Variants in CSMD1 observed in about 807,000 individuals in gnomAD.
CSMD1 encodes the protein CUB and Sushi multiple domains 1.
In CSMD1, 213 loss-of-function variants were observed where a neutral mutation model predicts 417.5. The observed-to-expected ratio is 0.51, with a 90% confidence interval of 0.46 to 0.57. The LOEUF (loss-of-function observed/expected upper bound fraction) is 0.57, where lower values mean the gene tolerates loss of function less well. CSMD1 is among the 20% of genes least tolerant of loss of function. The pLI is 0.00. For missense variants in CSMD1, 6,923 were observed against 4,529.7 expected (o/e 1.53, Z -15.17); for synonymous variants, 2,862 against 1,736.8 (o/e 1.65, Z -16.11).
chr8:4,406,973 G>A (rs148937460), intron 3 of CSMD1, among the ~76,000 whole-genome samples: 534 of 152,288 alleles, frequency 3.5e-3, no homozygotes, highest in Non-Finnish European at 5.8e-3. Context: ...CCTAAACGAG[G>A]AAAATGTTCT....
chr8:4,033,622 T>G (rs934861684), intron 3 of CSMD1, among the ~76,000 whole-genome samples: 34 of 152,202 alleles, frequency 2.2e-4, no homozygotes, highest in African/African-American at 8.0e-4. Context: ...CTTGGGCACT[T>G]GTTCTCAGGA....
chr8:3,862,350 G>C (rs200291976), intron 5 of CSMD1, among the ~76,000 whole-genome samples: 1 of 152,246 alleles, frequency 6.6e-6, no homozygotes, highest in South Asian at 2.1e-4. Flanking sequence ...ACCTCACTTT[G>C]CTTCCTCAGA....
At chr8:3,387,019 A>C (rs1040727048) in intron 18 of CSMD1, among the ~76,000 whole-genome samples, 2 of 152,206 alleles carry the variant, frequency 1.3e-5, no homozygotes, top group Non-Finnish European at 2.9e-5. Context: ...AAAGCTGCTG[A>C]AGATCTCCTG....
chr8:4,047,653 T>C (rs1240645641), intron 3 of CSMD1, among the ~76,000 whole-genome samples: 2 of 152,096 alleles, frequency 1.3e-5, no homozygotes, highest in South Asian at 2.1e-4. Flanking sequence ...AGTGAGTATA[T>C]TTGGGGCATG....
intron 4 of CSMD1, among the ~76,000 whole-genome samples, chr8:3,998,994 GTTTA>G (rs1815447094): frequency 6.8e-6 from 1 of 147,080 alleles, no homozygotes; most frequent in Admixed American, 6.8e-5. Context: ...CTATATGATA[GTTTA>G]TATATAAATA....
chr8:4,403,399 T>G (rs1174908176), intron 3 of CSMD1, among the ~76,000 whole-genome samples: 1 of 152,170 alleles, frequency 6.6e-6, no homozygotes, highest in African/African-American at 2.4e-5. Context: ...TCTAATTCTC[T>G]TTTGAACCAC....
At chr8:3,040,951 T>C (rs189043712) in intron 50 of CSMD1, among the ~76,000 whole-genome samples, 2 of 152,366 alleles carry the variant, frequency 1.3e-5, no homozygotes, top group East Asian at 3.9e-4. Context: ...ACGTGTTGAA[T>C]GTTTCTACAG....
At chr8:3,818,338 G>A (rs981118340) in intron 5 of CSMD1, among the ~76,000 whole-genome samples, 1 of 152,174 alleles carries the variant, frequency 6.6e-6, no homozygotes. Flanking sequence ...ACTCCCTCAT[G>A]TGAGAGAGCT....
At chr8:3,576,080 T>C (rs533365544) in intron 9 of CSMD1, among the ~76,000 whole-genome samples, 12 of 152,092 alleles carry the variant, frequency 7.9e-5, no homozygotes, top group Non-Finnish European at 1.6e-4. Context: ...TCCTCTATTT[T>C]TTCATTCCTT....
chr8:3,595,007 C>G (rs1161893784), intron 8 of CSMD1, among the ~76,000 whole-genome samples: 1 of 152,222 alleles, frequency 6.6e-6, no homozygotes, highest in Admixed American at 6.5e-5. Flanking sequence ...AACCCGGCCT[C>G]TGTGTGCAGT....
intron 6 of CSMD1, among the ~76,000 whole-genome samples, chr8:3,739,266 A>G (rs541070251): frequency 8.5e-5 from 13 of 152,230 alleles, no homozygotes; most frequent in African/African-American, 2.7e-4. Flanking sequence ...AACTTCTGAC[A>G]AAGCTGTAGA....
intron 1 of CSMD1, among the ~76,000 whole-genome samples, chr8:4,831,122 A>G (rs911319501): frequency 1.3e-5 from 2 of 152,226 alleles, no homozygotes; most frequent in Non-Finnish European, 2.9e-5. Context: ...AGGAAAAAAG[A>G]AACTGTAAAA....
chr8:4,004,777 C>G (rs999534983), intron 4 of CSMD1, among the ~76,000 whole-genome samples: 4 of 152,102 alleles, frequency 2.6e-5, no homozygotes, highest in South Asian at 4.1e-4. Flanking sequence ...TGGCGTCTCA[C>G]TCTGTTGCCC....
chr8:4,565,245 G>A (rs1798534087), intron 2 of CSMD1, among the ~76,000 whole-genome samples: 1 of 152,132 alleles, frequency 6.6e-6, no homozygotes, highest in Non-Finnish European at 1.5e-5. Context: ...GATTAAGAAT[G>A]CCTCATTCAC....
At chr8:4,598,234 A>T (rs73502554) in intron 2 of CSMD1, among the ~76,000 whole-genome samples, 4,514 of 152,296 alleles carry the variant, frequency 0.03, 103 homozygotes, top group African/African-American at 0.066. Context: ...AGAGCTCTCC[A>T]ATCTAATTTA....
intron 40 of CSMD1, among the ~76,000 whole-genome samples, chr8:3,147,240 G>C (rs1818900140): frequency 6.6e-6 from 1 of 152,002 alleles, no homozygotes; most frequent in Non-Finnish European, 1.5e-5. Flanking sequence ...AATTCACTTT[G>C]GAGTTTTGAT....
intron 2 of CSMD1, among the ~76,000 whole-genome samples, chr8:4,487,098 G>A (rs563823476): frequency 5.1e-4 from 77 of 152,080 alleles, no homozygotes; most frequent in African/African-American, 1.7e-3. Context: ...TGCCATCTTA[G>A]CCTCAAGGAA....
intron 3 of CSMD1, among the ~76,000 whole-genome samples, chr8:4,334,954 A>T (rs532223482): frequency 6.6e-6 from 1 of 152,116 alleles, no homozygotes. Flanking sequence ...ACATCCTCAC[A>T]TGACAGTAAA....
intron 3 of CSMD1, among the ~76,000 whole-genome samples, chr8:4,139,290 T>C (rs1295198947): frequency 2.0e-5 from 3 of 152,246 alleles, no homozygotes; most frequent in Non-Finnish European, 4.4e-5. Flanking sequence ...TGGCACCCTG[T>C]GTCTTACAGC....
Sources: allele counts gnomAD v4.1 joint callset (sites outside exome capture counted in the v4.1 genomes callset), GRCh38; gene constraint gnomAD v4.1.1; transcripts MANE v1.5; gene names NCBI Gene and HGNC (gene_info 2026-07-23, HGNC 2026-07-21).